The following SHANK2 variants were observed in gnomAD, a reference collection of about 807,000 sequenced individuals.
SHANK2 encodes SH3 and multiple ankyrin repeat domains 2.
SHANK2 carries 43 observed loss-of-function variants against 133.7 expected under a neutral mutation model. The ratio of observed to expected loss-of-function variants is 0.32; its 90% CI spans 0.25 to 0.41. The LOEUF (loss-of-function observed/expected upper bound fraction) is 0.41, where lower values mean the gene tolerates loss of function less well. Ranked by LOEUF, SHANK2 falls within the 10% of genes least tolerant of loss-of-function variation. The pLI is 1.00. For synonymous variants in SHANK2, 1,017 were observed against 952.8 expected, an observed-to-expected ratio of 1.07 and a Z score of -1.24; for missense variants, 1,994 against 2,235.8, an observed-to-expected ratio of 0.89 and a Z score of 2.18.
rs978080764 is a variant in SHANK2 at position 70,740,342 on chromosome 11, G to T, written c.1778-41579C>A. Among the ~76,000 whole-genome samples, 6 of 152,142 alleles carry T rather than the reference G, an allele frequency of 3.9e-5. No individual in the cohort carries two copies. In the South Asian group the frequency reaches 8.3e-4, roughly 21 times the overall value. On this transcript the variant is annotated intron_variant, in intron 14 of 25. Transcript: ENST00000601538. ...AACCCATGAGAAGGGCTCCCTCTGG[G>T]GATAGAAACACTGTATGTGTTCGAC...
intron 1 of SHANK2, among the ~76,000 whole-genome samples, chr11:71,245,596 C>T (rs1012535929): frequency 9.2e-5 from 14 of 152,208 alleles, no homozygotes; most frequent in East Asian, 3.9e-4. Flanking sequence ...GCCGGGGAAG[C>T]GACCGGTGCC....
intron 18 of SHANK2, 25 bp downstream of exon 18, chr11:70,502,771 G>C (rs781894733): frequency 3.2e-6 from 5 of 1,549,756 alleles, no homozygotes; most frequent in African/African-American, 1.4e-5. Context: ...CCCCAGGCTG[G>C]AGCTGGGCGA....
chr11:71,196,091 G>C (rs1159813759), intron 2 of SHANK2, among the ~76,000 whole-genome samples: 7 of 152,124 alleles, frequency 4.6e-5, no homozygotes, highest in Admixed American at 6.5e-5. Flanking sequence ...TCTGAGGCAG[G>C]AGGATTCCTT....
chr11:70,838,998 C>G (rs3019849), intron 11 of SHANK2, among the ~76,000 whole-genome samples: 92,509 of 152,158 alleles, frequency 0.61, 28,530 homozygotes, highest in South Asian at 0.75. Flanking sequence ...CCCAGGCCTA[C>G]AAGCAGCTGG....
chr11:71,120,707 C>T (rs1398839148), intron 3 of SHANK2, among the ~76,000 whole-genome samples: 15 of 152,198 alleles, frequency 9.9e-5, no homozygotes, highest in Admixed American at 8.5e-4. Flanking sequence ...CTCCCCCATC[C>T]TTGGCTAAGC....
chr11:70,769,726 A>C (rs1947206255), intron 14 of SHANK2, among the ~76,000 whole-genome samples: 1 of 134,754 alleles, frequency 7.4e-6, no homozygotes, highest in Non-Finnish European at 1.6e-5. Flanking sequence ...CGTGTGTTCT[A>C]TGTGGGCATG....
intron 17 of SHANK2, among the ~76,000 whole-genome samples, chr11:70,539,780 G>A (rs2059594672): frequency 6.6e-6 from 1 of 152,164 alleles, no homozygotes; most frequent in Non-Finnish European, 1.5e-5. Flanking sequence ...TCCCGGGGGG[G>A]CCGTAGCAGA....
At chr11:70,769,765 G>C (rs1233825904) in intron 14 of SHANK2, among the ~76,000 whole-genome samples, 2 of 152,170 alleles carry the variant, frequency 1.3e-5, no homozygotes, top group African/African-American at 2.4e-5. Context: ...TTCTATGTGG[G>C]CATGTGCAGG....
At chr11:70,606,098 G>A (rs1048431195) in intron 17 of SHANK2, among the ~76,000 whole-genome samples, 1 of 152,138 alleles carries the variant, frequency 6.6e-6, no homozygotes, top group East Asian at 1.9e-4. Context: ...AAGTGTGCAT[G>A]GCAGGGGGGC....
chr11:70,706,463 C>T (rs1327239508), intron 14 of SHANK2, among the ~76,000 whole-genome samples: 2 of 152,244 alleles, frequency 1.3e-5, no homozygotes, highest in Non-Finnish European at 1.5e-5. Flanking sequence ...TGGGGATTGC[C>T]GAGGCAGGGG....
chr11:70,933,244 C>T (rs575471889), intron 10 of SHANK2: 97 of 456,104 alleles, frequency 2.1e-4, no homozygotes, highest in African/African-American at 1.3e-3. Flanking sequence ...GGACACTGTA[C>T]TGAGTGAAAT....
At chr11:70,756,071 T>A (rs576692518) in intron 14 of SHANK2, among the ~76,000 whole-genome samples, 32 of 152,148 alleles carry the variant, frequency 2.1e-4, no homozygotes, top group African/African-American at 7.5e-4. Context: ...CTGAGCTCGT[T>A]TCCTCACTGG....
intron 17 of SHANK2, among the ~76,000 whole-genome samples, chr11:70,517,060 GA>G (rs1239937832): frequency 1.3e-5 from 2 of 151,846 alleles, no homozygotes; most frequent in African/African-American, 2.4e-5. Flanking sequence ...GCAACAGAGT[GA>G]AAAAAAGGGC....
At chr11:71,105,596 A>T (rs868927216) in intron 6 of SHANK2, among the ~76,000 whole-genome samples, 116 of 150,274 alleles carry the variant, frequency 7.7e-4, no homozygotes, top group African/African-American at 2.8e-3. Context: ...AGTCTAAAAA[A>T]AAAAAAAAAA....
At chr11:71,112,175 C>T (rs1345846124) in intron 5 of SHANK2, among the ~76,000 whole-genome samples, 1 of 152,176 alleles carries the variant, frequency 6.6e-6, no homozygotes, top group African/African-American at 2.4e-5. Context: ...GGATGGATCA[C>T]CTAAAGTCAG....
At chr11:70,746,865 T>C (rs570180542) in intron 14 of SHANK2, among the ~76,000 whole-genome samples, 1 of 151,906 alleles carries the variant, frequency 6.6e-6, no homozygotes, top group African/African-American at 2.4e-5. Flanking sequence ...AGGTCTGGGC[T>C]CTCCAGATCT....
At chr11:70,602,088 G>A (rs1234297883) in intron 17 of SHANK2, among the ~76,000 whole-genome samples, 1 of 152,122 alleles carries the variant, frequency 6.6e-6, no homozygotes, top group Non-Finnish European at 1.5e-5. Flanking sequence ...TGAGTTCTCC[G>A]GAGCTCTGGT....
rs1232604763 is a variant in SHANK2 at position 70,830,719 on chromosome 11, C to A, written c.1175-10037G>T. 2.0e-5 allele frequency among the ~76,000 whole-genome samples: 3 copies of A among 152,180 alleles called. No homozygotes were observed. Among genetic ancestry groups the A allele is most frequent in the African/African-American group, 7.2e-5 (3 of 41,452 alleles). On this transcript the variant is annotated intron_variant, in intron 11 of 25. Coordinates refer to ENST00000601538, the MANE Select transcript of SHANK2 (RefSeq NM_012309.5). The surrounding 1 kb of genome is among the most constrained non-coding windows in gnomAD (Gnocchi z 4.4). ...CAGAGATCTTCTTCTCTGAGAAAAG[C>A]CTCAGGCTTTGGGAATGTCCCCGTG...
At chr11:70,788,200 T>C (rs1158655773) in intron 14 of SHANK2, among the ~76,000 whole-genome samples, 2 of 152,064 alleles carry the variant, frequency 1.3e-5, no homozygotes, top group Non-Finnish European at 2.9e-5. Context: ...ACCAGGGCCA[T>C]TGTGGATGAG....
Sources: gnomAD v4.1 joint callset for allele counts (sites outside exome capture counted in the v4.1 genomes callset) on GRCh38, gnomAD v4.1.1 for gene constraint, Gnocchi (gnomAD v3.1) non-coding constraint, MANE v1.5 for transcripts, NCBI Gene and HGNC (gene_info 2026-07-23, HGNC 2026-07-21) for gene names.